Variants in FCAR observed in about 807,000 individuals in gnomAD.
FCAR encodes Fc alpha receptor, also known as immunoglobulin alpha Fc receptor.
Under a neutral mutation model 27.1 loss-of-function variants are expected in FCAR, and 21 were observed. The observed-to-expected ratio is 0.77, with a 90% CI of 0.55 to 1.11. The LOEUF is 1.11. FCAR is among the 50% of genes most tolerant of loss of function. FCAR has a pLI of 0.00. For synonymous variants in FCAR, 134 were observed against 135.8 expected, an observed-to-expected ratio of 0.99 and a Z score of 0.09; for missense variants, 404 against 358.4, an observed-to-expected ratio of 1.13 and a Z score of -1.03.
chr19:54,878,061 G>A (rs2066195571), intron 2 of FCAR, among the ~76,000 whole-genome samples: 1 of 151,890 alleles, frequency 6.6e-6, no homozygotes, highest in Admixed American at 6.6e-5. Flanking sequence ...GACTACAGGT[G>A]CCCGCCACCC....
chr19:54,874,436 G>C (rs746120461), intron 1 of FCAR, 113 bp downstream of exon 1: 16 of 1,029,756 alleles, frequency 1.6e-5, no homozygotes, highest in Admixed American at 1.3e-4. Flanking sequence ...AGGAGATTCT[G>C]ATCTCCTTAG....
At chr19:54,875,195 T>C (rs551398087) in intron 1 of FCAR, 135 bp from the exon 2 acceptor site, 6 of 678,972 alleles carry the variant, frequency 8.8e-6, no homozygotes, top group East Asian at 8.3e-5. Flanking sequence ...ATGCCAGCTC[T>C]TCTTTATATA....
At chr19:54,889,303 C>T (rs1317181880) in intron 4 of FCAR, among the ~76,000 whole-genome samples, 3 of 136,780 alleles carry the variant, frequency 2.2e-5, no homozygotes, top group Admixed American at 8.3e-5. Flanking sequence ...ACCAGGGAGG[C>T]GGAGGTTGCA....
In FCAR at chr19:54,879,777, G is replaced by A. The variant is rs587622335; in HGVS notation, c.70+4412G>A. On this transcript the variant is annotated intron_variant, in intron 2 of 4. Coordinates refer to ENST00000355524, the MANE Select transcript of FCAR (RefSeq NM_002000.4). Reference sequence around the variant, plus strand: ...CGGCTCACTGCAAGCTCCGCCTCCCGGATTCACGCCATTCTCCTGCCTCAG... The same window carrying A: ...CGGCTCACTGCAAGCTCCGCCTCCCAGATTCACGCCATTCTCCTGCCTCAG... 1.1e-3 allele frequency among the ~76,000 whole-genome samples: 173 copies of A among 151,322 alleles called. 1 individual carries two copies. The highest frequency in any genetic ancestry group is 3.9e-3 in the African/African-American group (162 of 41,188).
chr19:54,889,691 T>C lies in FCAR; in HGVS notation c.692T>C (p.Met231Thr), dbSNP rs1222602222. Residue 231 changes from methionine to threonine, a missense_variant, in exon 5 of 5, where the codon ATG (methionine) becomes ACG (threonine). By Grantham distance (81) the Met-to-Thr change is moderately conservative. Transcript: ENST00000355524. ...TACACGACGCAGAACTTGATCCGCA[T>C]GGCCGTGGCAGGACTGGTCCTCGTG... ...QDYTTQNLIR[M>T]AVAGLVLVAL... is the part of the protein sequence containing the mutation. 6.2e-7 allele frequency: 1 copy of C among 1,614,176 alleles called. No homozygotes were observed. Among genetic ancestry groups the C allele is most frequent in the Non-Finnish European group, 8.5e-7 (1 of 1,180,024 alleles).
chr19:54,880,533 T>C (rs747886346), intron 2 of FCAR, among the ~76,000 whole-genome samples: 1 of 152,292 alleles, frequency 6.6e-6, no homozygotes, highest in South Asian at 2.1e-4. Context: ...CTATCCATAT[T>C]CTGAATTCTA....
chr19:54,888,128 G>C lies in FCAR; in HGVS notation c.483G>C (p.Glu161Asp), dbSNP rs769821076. 12 of 1,613,978 alleles carry C rather than the reference G, an allele frequency of 7.4e-6. No homozygotes were observed. The highest frequency in any genetic ancestry group is 2.7e-5 in the African/African-American group (2 of 74,906). ...TTGATAGATTTTCACTGGCCAAGGA[G>C]GGAGAACTTTCTCTGCCACAGCACC... is the stretch of plus-strand genomic sequence containing the variant. ...IPFDRFSLAK[E>D]GELSLPQHQS... is the part of the protein sequence containing the mutation. Residue 161 changes from glutamate (E) to aspartate (D), a missense_variant, in exon 4 of 5, where the codon GAG (glutamate) becomes GAC (aspartate). Transcript: ENST00000355524.
intron 1 of FCAR, among the ~76,000 whole-genome samples, chr19:54,874,748 T>C (rs2065997589): frequency 6.6e-6 from 1 of 152,226 alleles, no homozygotes; most frequent in African/African-American, 2.4e-5. Context: ...AAAGATATTA[T>C]CCAGAAGTTT....
intron 3 of FCAR, among the ~76,000 whole-genome samples, chr19:54,887,353 G>T (rs1251731720): frequency 6.6e-6 from 1 of 152,186 alleles, no homozygotes; most frequent in African/African-American, 2.4e-5. Context: ...GGGCACTGTG[G>T]TTCACGCCTG....
chr19:54,878,756 T>TA (rs2066243125), intron 2 of FCAR, among the ~76,000 whole-genome samples: 1 of 151,648 alleles, frequency 6.6e-6, no homozygotes, highest in African/African-American at 2.4e-5. Flanking sequence ...CCTGCATTTT[T>TA]TTTTTTTTTT....
intron 2 of FCAR, among the ~76,000 whole-genome samples, chr19:54,884,369 C>T (rs1470641593): frequency 1.3e-5 from 2 of 152,260 alleles, no homozygotes; most frequent in African/African-American, 2.4e-5. Flanking sequence ...CGGTGGCTCA[C>T]GCTTGTAATC....
chr19:54,875,733 A>T (rs2066056855), intron 2 of FCAR, among the ~76,000 whole-genome samples: 1 of 152,200 alleles, frequency 6.6e-6, no homozygotes, highest in Admixed American at 6.5e-5. Flanking sequence ...ATTTAAAAGG[A>T]TGCTGCCATA....
At chr19:54,878,447 A>C (rs2066221969) in intron 2 of FCAR, among the ~76,000 whole-genome samples, 1 of 152,176 alleles carries the variant, frequency 6.6e-6, no homozygotes, top group Non-Finnish European at 1.5e-5. Context: ...TGGTTGTCTA[A>C]GTCTCTTCGT....
At chr19:54,880,884 C>T in intron 2 of FCAR, 1 of 152,234 alleles carries the variant, frequency 6.6e-6, no homozygotes, top group East Asian at 1.9e-4. Flanking sequence ...GGCTGCAATC[C>T]GGTAAATGAT....
Position 54,890,061 on chromosome 19 carries a change from CT to C in FCAR, c.*200del, listed in dbSNP as rs1048626756. On this transcript the variant is annotated 3_prime_UTR_variant, in exon 5 of 5. Transcript: ENST00000355524. ...TTGAACCTCTTGGGTTCAAGTGATT[CT>C]TGTGCCTCAGCCTCCCAAGTAGCTG... 1.7e-6 allele frequency: 1 copy of C among 589,048 alleles called. No homozygotes were observed. Among genetic ancestry groups the C allele is most frequent in the Non-Finnish European group, 3.0e-6 (1 of 331,192 alleles). The allele number at this position is 589,048 out of a possible 1,614,324, so 36.5% of individuals were successfully genotyped here.
intron 3 of FCAR, among the ~76,000 whole-genome samples, chr19:54,886,307 T>A (rs1390689064): frequency 1.5e-5 from 2 of 135,822 alleles, no homozygotes; most frequent in Non-Finnish European, 3.2e-5. Flanking sequence ...CTTTATTTTT[T>A]TTTTTTTTTT....
chr19:54,888,275 C>T lies in FCAR; in HGVS notation c.630C>T (p.Ala210=), dbSNP rs1226036624. 6.2e-7 allele frequency: 1 copy of T among 1,614,046 alleles called. No individual in the cohort carries two copies. The highest frequency in any genetic ancestry group is 8.5e-7 in the Non-Finnish European group (1 of 1,179,968). ...SPYLWSFPSN[A]LELVVTDSIH... ...ACCTGTGGTCCTTCCCCAGTAATGC[C>T]TTGGAGCTTGTGGTCACAGGTAGGT... The change falls in exon 4 of 5, where the codon GCC becomes GCT. Residue 210 remains alanine (A), a synonymous_variant. Transcript: ENST00000355524.
chr19:54,874,848 T>A (rs1414616332), intron 1 of FCAR, among the ~76,000 whole-genome samples: 2 of 152,112 alleles, frequency 1.3e-5, no homozygotes, highest in African/African-American at 4.8e-5. Flanking sequence ...CCTCCAGGAT[T>A]TTTTTCAATA....
In FCAR at chr19:54,874,282, T is replaced by A. The variant is rs1294995203; in HGVS notation, c.-8T>A. 1 of 1,614,026 alleles carries A rather than the reference T, an allele frequency of 6.2e-7. No homozygotes were observed. Among genetic ancestry groups the A allele is most frequent in the African/African-American group, 1.3e-5 (1 of 74,928 alleles). On this transcript the variant is annotated 5_prime_UTR_variant, in exon 1 of 5. An upstream open reading frame in the 5' UTR gains an earlier in-frame stop. Coordinates refer to ENST00000355524, the MANE Select transcript of FCAR (RefSeq NM_002000.4). ...GGAGAGCAACGGGGCTGAGGCCGTG[T>A]CAGCACGATGGACCCCAAACAGACC...
Sources: allele counts gnomAD v4.1 joint callset (sites outside exome capture counted in the v4.1 genomes callset), GRCh38; gene constraint gnomAD v4.1.1; transcripts MANE v1.5; gene names NCBI Gene and HGNC (gene_info 2026-07-23, HGNC 2026-07-21).